The following SCMH1 variants were observed in gnomAD, a reference collection of about 807,000 sequenced individuals.
SCMH1 encodes the protein Scm polycomb group protein homolog 1.
Under a neutral mutation model 70.8 loss-of-function variants are expected in SCMH1, and 37 were observed. That is an observed-to-expected ratio of 0.52 (90% confidence interval 0.40 to 0.69). The LOEUF is 0.69. SCMH1 is among the 30% of genes least tolerant of loss of function. The pLI is 0.00. For missense variants in SCMH1, 607 were observed against 827.3 expected, an observed-to-expected ratio of 0.73 and a Z score of 3.27; for synonymous variants, 292 against 307.4, an observed-to-expected ratio of 0.95 and a Z score of 0.52.
intron 6 of SCMH1, among the ~76,000 whole-genome samples, chr1:41,122,225 T>C (rs1019396780): frequency 6.6e-6 from 1 of 152,214 alleles, no homozygotes; most frequent in Non-Finnish European, 1.5e-5. Flanking sequence ...TTACTCCTCA[T>C]TACTCATCTC....
At chr1:41,086,156 C>T (rs2148984587) in intron 8 of SCMH1, among the ~76,000 whole-genome samples, 2 of 152,178 alleles carry the variant, frequency 1.3e-5, no homozygotes, top group African/African-American at 4.8e-5. Flanking sequence ...TTAAAATGTA[C>T]TACAAAAATT....
At chr1:41,179,102 C>T (rs1477162394) in intron 2 of SCMH1, among the ~76,000 whole-genome samples, 1 of 152,152 alleles carries the variant, frequency 6.6e-6, no homozygotes, top group Non-Finnish European at 1.5e-5. Context: ...CGCTCAACTA[C>T]ATGGAAACTG....
At chr1:41,150,582 T>A (rs985442492) in intron 5 of SCMH1, among the ~76,000 whole-genome samples, 4 of 152,102 alleles carry the variant, frequency 2.6e-5, no homozygotes, top group Admixed American at 2.0e-4. Context: ...AAGTATAAAT[T>A]CAGTCCCTTT....
At chr1:41,145,853 T>C (rs1386345989) in intron 5 of SCMH1, among the ~76,000 whole-genome samples, 1 of 152,206 alleles carries the variant, frequency 6.6e-6, no homozygotes, top group African/African-American at 2.4e-5. Flanking sequence ...AAAAACCTAC[T>C]GTGCTGCCAG....
intron 2 of SCMH1, among the ~76,000 whole-genome samples, chr1:41,173,470 T>C (rs1051897857): frequency 2.6e-5 from 4 of 152,104 alleles, no homozygotes; most frequent in African/African-American, 9.7e-5. Flanking sequence ...AAATAAATGC[T>C]GACAAAAATG....
intron 4 of SCMH1, among the ~76,000 whole-genome samples, chr1:41,154,875 C>T (rs1645379629): frequency 1.3e-5 from 2 of 152,278 alleles, no homozygotes; most frequent in Middle Eastern, 3.4e-3. Flanking sequence ...TATTAACTAT[C>T]CTCTATGTGC....
At chr1:41,145,060 G>A (rs1470574939) in intron 5 of SCMH1, among the ~76,000 whole-genome samples, 3 of 151,916 alleles carry the variant, frequency 2.0e-5, no homozygotes, top group African/African-American at 4.8e-5. Flanking sequence ...TTTCCTGATG[G>A]TGTGGAAACA....
At chr1:41,160,750 G>T in intron 4 of SCMH1, 125 bp downstream of exon 4, 1 of 877,534 alleles carries the variant, frequency 1.1e-6, no homozygotes, top group Non-Finnish European at 1.9e-6. Flanking sequence ...AAGAGCACAG[G>T]ATTCACTGGT....
intron 1 of SCMH1, among the ~76,000 whole-genome samples, chr1:41,207,188 A>G (rs1655757350): frequency 6.6e-6 from 1 of 152,228 alleles, no homozygotes; most frequent in Admixed American, 6.5e-5. Context: ...CACACATAAC[A>G]GTATTAACCT....
At chr1:41,096,358 G>A (rs1174757021) in intron 8 of SCMH1, among the ~76,000 whole-genome samples, 1 of 152,138 alleles carries the variant, frequency 6.6e-6, no homozygotes, top group African/African-American at 2.4e-5. Flanking sequence ...ATTTGAACAT[G>A]GTGTGTGATT....
At chr1:41,164,199 G>C (rs965843664) in intron 2 of SCMH1, among the ~76,000 whole-genome samples, 9 of 151,848 alleles carry the variant, frequency 5.9e-5, no homozygotes. Context: ...GTTAAATCAC[G>C]TATCAACCTA....
At chr1:41,091,789 A>C (rs1663595942) in intron 8 of SCMH1, among the ~76,000 whole-genome samples, 1 of 152,194 alleles carries the variant, frequency 6.6e-6, no homozygotes. Flanking sequence ...AAAGAGAATA[A>C]AATACCTAGG....
At chr1:41,128,513 G>A (rs552075600) in intron 6 of SCMH1, among the ~76,000 whole-genome samples, 1 of 152,074 alleles carries the variant, frequency 6.6e-6, no homozygotes, top group South Asian at 2.1e-4. Flanking sequence ...TGTTTCTGAC[G>A]AGAAGTTGCT....
chr1:41,152,673 A>G, intron 4 of SCMH1: 1 of 1,614,202 alleles, frequency 6.2e-7, no homozygotes, highest in South Asian at 1.1e-5. Context: ...GCAAACCAGC[A>G]TTTCTTGAAG....
intron 1 of SCMH1, among the ~76,000 whole-genome samples, chr1:41,194,180 C>T (rs1652433006): frequency 1.3e-5 from 2 of 152,132 alleles, no homozygotes; most frequent in South Asian, 2.1e-4. Flanking sequence ...TAAAGGCACA[C>T]ATAATTTGTA....
intron 1 of SCMH1, among the ~76,000 whole-genome samples, chr1:41,221,201 G>C (rs973932019): frequency 6.6e-6 from 1 of 152,132 alleles, no homozygotes; most frequent in Non-Finnish European, 1.5e-5. Flanking sequence ...TCCTAGTGTA[G>C]TCAAATTCAG....
intron 9 of SCMH1, among the ~76,000 whole-genome samples, chr1:41,073,180 A>G (rs1251080754): frequency 6.6e-6 from 1 of 152,156 alleles, no homozygotes; most frequent in Non-Finnish European, 1.5e-5. Flanking sequence ...CTCTCCCTAA[A>G]AGATCCCTCC....
At chr1:41,168,781 T>G (rs1174286332) in intron 2 of SCMH1, among the ~76,000 whole-genome samples, 2 of 152,074 alleles carry the variant, frequency 1.3e-5, no homozygotes, top group African/African-American at 4.8e-5. Context: ...CAGCCAAAAA[T>G]TTTAAGGTGC....
rs1652339305 is a variant in SCMH1 at position 41,193,819 on chromosome 1, G to A, written c.-117-7569C>T. ...AGCCAATGGTATATTATATATTGAG[G>A]ACTCTGGTATCATCCCAAGATTATA... On this transcript the variant is annotated intron_variant, in intron 1 of 14. Transcript: ENST00000337495. 2.0e-5 allele frequency among the ~76,000 whole-genome samples: 3 copies of A among 152,178 alleles called. No individual in the cohort carries two copies. The South Asian group carries it at 6.2e-4, about 32-fold the overall frequency.
Sources: allele counts gnomAD v4.1 joint callset (sites outside exome capture counted in the v4.1 genomes callset), GRCh38; gene constraint gnomAD v4.1.1; transcripts MANE v1.5; gene names NCBI Gene and HGNC (gene_info 2026-07-23, HGNC 2026-07-21).